NEDD4L: variants seen among roughly 807,000 people sequenced by gnomAD.
NEDD4L encodes NEDD4 like E3 ubiquitin protein ligase, also known as E3 ubiquitin-protein ligase NEDD4-like.
NEDD4L carries 54 observed loss-of-function variants against 148.9 expected under a neutral mutation model. The ratio of observed to expected loss-of-function variants is 0.36; its 90% CI spans 0.29 to 0.45. The LOEUF (loss-of-function observed/expected upper bound fraction) is 0.45, where lower values mean the gene tolerates loss of function less well. Ranked by LOEUF, NEDD4L falls within the 20% of genes least tolerant of loss-of-function variation. The probability of loss-of-function intolerance (pLI) is 1.00; values close to 1 mark genes in which losing one functional copy is unlikely to be tolerated. For synonymous variants in NEDD4L, 433 were observed against 440.7 expected, an observed-to-expected ratio of 0.98 and a Z score of 0.22; for missense variants, 856 against 1,233.8, an observed-to-expected ratio of 0.69 and a Z score of 4.59.
At chr18:58,278,828 A>G (rs1193411163) in intron 5 of NEDD4L, among the ~76,000 whole-genome samples, 1 of 152,176 alleles carries the variant, frequency 6.6e-6, no homozygotes, top group African/African-American at 2.4e-5. Context: ...TCAGAATAAA[A>G]TTGTTCACAC....
At chr18:58,388,973 C>G in intron 27 of NEDD4L, 112 bp from the exon 28 acceptor site, 1 of 810,238 alleles carries the variant, frequency 1.2e-6, no homozygotes, top group Non-Finnish European at 2.1e-6. Flanking sequence ...GATTTGCTAG[C>G]TTACCTTCGC....
intron 3 of NEDD4L, among the ~76,000 whole-genome samples, chr18:58,247,781 G>C (rs1225543334): frequency 6.6e-6 from 1 of 152,154 alleles, no homozygotes; most frequent in African/African-American, 2.4e-5. Context: ...CTGCCCTCCG[G>C]GACTGCAGCC....
At chr18:58,295,051 C>T (rs1050156642) in intron 5 of NEDD4L, among the ~76,000 whole-genome samples, 1 of 152,200 alleles carries the variant, frequency 6.6e-6, no homozygotes, top group Non-Finnish European at 1.5e-5. Context: ...CAGCCTCCCT[C>T]ATCATCAGCA....
chr18:58,373,396 A>G (rs1036255836), intron 24 of NEDD4L, 127 bp downstream of exon 24: 4 of 642,376 alleles, frequency 6.2e-6, no homozygotes, highest in African/African-American at 3.6e-5. Flanking sequence ...GTTAATTTTC[A>G]TCTCATTGTA....
intron 24 of NEDD4L, among the ~76,000 whole-genome samples, chr18:58,374,901 G>C (rs559189988): frequency 6.6e-6 from 1 of 152,086 alleles, no homozygotes; most frequent in African/African-American, 2.4e-5. Flanking sequence ...ACCCATCTCC[G>C]CTCACCACCA....
chr18:58,045,242 T>C (rs538492709), intron 1 of NEDD4L: 27 of 397,754 alleles, frequency 6.8e-5, no homozygotes, highest in African/African-American at 1.4e-4. Flanking sequence ...ACACGCTGCG[T>C]GTGTCCCTCC....
At chr18:58,295,289 C>CTGG (rs2055392679) in intron 5 of NEDD4L, among the ~76,000 whole-genome samples, 1 of 152,242 alleles carries the variant, frequency 6.6e-6, no homozygotes, top group African/African-American at 2.4e-5. Flanking sequence ...CCCCTAAACC[C>CTGG]TGGCAACCAC....
intron 1 of NEDD4L, among the ~76,000 whole-genome samples, chr18:58,109,561 GTT>G (rs772954089): frequency 2.9e-5 from 4 of 135,948 alleles, no homozygotes; most frequent in African/African-American, 1.1e-4. Context: ...CAACTAGGAG[GTT>G]TTTTTTTTGT....
At chr18:58,048,238 C>T (rs2081681063) in intron 1 of NEDD4L, among the ~76,000 whole-genome samples, 1 of 152,102 alleles carries the variant, frequency 6.6e-6, no homozygotes, top group African/African-American at 2.4e-5. Flanking sequence ...CACCACGGCT[C>T]CCTGCTGGCT....
chr18:58,326,289 A>C (rs1408488844), intron 9 of NEDD4L, among the ~76,000 whole-genome samples: 1 of 152,214 alleles, frequency 6.6e-6, no homozygotes, highest in Non-Finnish European at 1.5e-5. Flanking sequence ...CGTGAATGTC[A>C]GCTGTTCGTG....
chr18:58,091,676 A>T (rs1336335713), intron 1 of NEDD4L: 1 of 151,896 alleles, frequency 6.6e-6, no homozygotes, highest in East Asian at 1.9e-4. Flanking sequence ...TTTGATTCTC[A>T]AAAAGGTTTC....
chr18:58,246,887 A>T (rs1417972652), intron 3 of NEDD4L, among the ~76,000 whole-genome samples: 3 of 152,182 alleles, frequency 2.0e-5, no homozygotes, highest in Non-Finnish European at 4.4e-5. Context: ...TCTATTAAAA[A>T]TACTTGGCTG....
chr18:58,219,554 A>C (rs1008694239), intron 2 of NEDD4L, among the ~76,000 whole-genome samples: 1 of 152,164 alleles, frequency 6.6e-6, no homozygotes, highest in Non-Finnish European at 1.5e-5. Flanking sequence ...GCGATGAAGC[A>C]GGATTGGCTT....
At chr18:58,338,197 A>T (rs1342179625) in intron 13 of NEDD4L, among the ~76,000 whole-genome samples, 1 of 152,250 alleles carries the variant, frequency 6.6e-6, no homozygotes, top group Non-Finnish European at 1.5e-5. Flanking sequence ...GTCTATGATG[A>T]AAAGCTGTGA....
chr18:58,296,382 T>G (rs946023918), intron 5 of NEDD4L, among the ~76,000 whole-genome samples: 3 of 152,202 alleles, frequency 2.0e-5, no homozygotes, highest in Admixed American at 1.3e-4. Flanking sequence ...TGTACCAAAC[T>G]ACTACCAGTT....
chr18:58,248,293 T>C (rs1044500303), intron 3 of NEDD4L, among the ~76,000 whole-genome samples: 2 of 152,184 alleles, frequency 1.3e-5, no homozygotes, highest in African/African-American at 4.8e-5. Flanking sequence ...AGTAGACTGA[T>C]AGAAAGATGA....
At chr18:58,146,009 T>C (rs1440724045) in intron 1 of NEDD4L, among the ~76,000 whole-genome samples, 1 of 152,206 alleles carries the variant, frequency 6.6e-6, no homozygotes, top group Admixed American at 6.5e-5. Flanking sequence ...CTTGTTCACC[T>C]GGATGCATTT....
rs8084325 is a variant in NEDD4L, at chr18:58,323,649, A to G, written c.513+315A>G. On this transcript the variant is annotated intron_variant, in intron 8 of 30. Coordinates refer to ENST00000400345, the MANE Select transcript of NEDD4L (RefSeq NM_001144967.3). ...ATCCTATTATTGCTATGGACTTGCA[A>G]CTCTTTGTAAATTCTTTTTAGCCAT... 0.36 allele frequency among the ~76,000 whole-genome samples: 55,410 copies of G among 151,986 alleles called. 11,266 individuals are homozygous for G. Among genetic ancestry groups the G allele is most frequent in the African/African-American group, 0.55 (22,640 of 41,436 alleles).
chr18:58,045,369 C>CA, intron 1 of NEDD4L: 1 of 382,516 alleles, frequency 2.6e-6, no homozygotes, highest in Non-Finnish European at 4.6e-6. Flanking sequence ...GCAGCCCTGC[C>CA]ATTTTTTCCT....
Sources: gnomAD v4.1 joint callset for allele counts (sites outside exome capture counted in the v4.1 genomes callset) on GRCh38, gnomAD v4.1.1 for gene constraint, MANE v1.5 for transcripts, NCBI Gene and HGNC (gene_info 2026-07-23, HGNC 2026-07-21) for gene names.